CELSR2: variants seen among roughly 807,000 people sequenced by gnomAD.
CELSR2 encodes EGF-like protein 2.
Under a neutral mutation model 251.6 loss-of-function variants are expected in CELSR2, and 81 were observed. That is an observed-to-expected ratio of 0.32 (90% CI 0.27 to 0.39). The LOEUF (loss-of-function observed/expected upper bound fraction) is 0.39. CELSR2 is among the 10% of genes least tolerant of loss of function. The probability of loss-of-function intolerance (pLI) is 1.00; values close to 1 mark genes in which losing one functional copy is unlikely to be tolerated. For missense variants in CELSR2, 3,365 were observed against 3,947.7 expected (o/e 0.85, Z 3.96); for synonymous variants, 1,721 against 1,670.5 (o/e 1.03, Z -0.74).
Position 109,264,204 on chromosome 1 carries a change from G to A in CELSR2, c.5128G>A (p.Gly1710Arg), listed in dbSNP as rs1036344220. Reference sequence around the variant, plus strand: ...TGCACAGCTGGCACTGGGAGCCAGCGGGGGGCCCGGCCATGCCATTCTGTC... The same window carrying A: ...TGCACAGCTGGCACTGGGAGCCAGCAGGGGGCCCGGCCATGCCATTCTGTC... ...HHAQLALGASGGPGHAILSFD... is the reference protein window; with the variant it reads ...HHAQLALGASRGPGHAILSFD... Residue 1710 changes from glycine (G) to arginine (R), a missense_variant, in exon 10 of 34, where the codon GGG becomes AGG. Gly to Arg is a moderately radical substitution (Grantham distance 125). Transcript: ENST00000271332. The A allele has an allele frequency of 8.1e-6, 13 of 1,613,044 alleles. No homozygotes were observed. The highest frequency in any genetic ancestry group is 2.2e-5 in the East Asian group (1 of 44,878).
rs375830885 is a variant in CELSR2 at position 109,266,155 on chromosome 1, C to T, written c.5962C>T (p.Arg1988Cys). 55 of 1,614,016 alleles carry T rather than the reference C, an allele frequency of 3.4e-5. No individual in the cohort carries two copies. In the East Asian group the frequency reaches 3.8e-4, roughly 11 times the overall value. Reference sequence around the variant, plus strand: ...GATTGAGGCTGGGATCTGGTGGCCCCGTACCCGCTTCGGGCTGCCTGCTGC... The same window carrying T: ...GATTGAGGCTGGGATCTGGTGGCCCTGTACCCGCTTCGGGCTGCCTGCTGC... ...RAIEAGIWWP[R>C]TRFGLPAAAP... Residue 1988 changes from arginine (R) to cysteine (C), a missense_variant, in exon 15 of 34, where the codon CGT becomes TGT. By Grantham distance (180) the Arg-to-Cys change is radical. Coordinates refer to ENST00000271332, the MANE Select transcript of CELSR2 (RefSeq NM_001408.3).
Position 109,250,061 on chromosome 1 carries a change from C to G in CELSR2, c.-19C>G. The G allele has an allele frequency of 7.5e-7, 1 of 1,332,330 alleles. No individual in the cohort carries two copies. Among genetic ancestry groups the G allele is most frequent in the Non-Finnish European group, 9.5e-7 (1 of 1,049,690 alleles). 82.5% of individuals were successfully genotyped at this position (1,332,330 alleles called of 1,614,324 possible). A position where few individuals can be genotyped will look rare whatever the true frequency, so the allele number is the denominator to read the frequency against. ...CCGCCGCCGCCGTTGACCCGGCCGC[C>G]GGCCGGGAGCTGGGAGAGATGCGGA... On this transcript the variant is annotated 5_prime_UTR_variant, in exon 1 of 34. Coordinates refer to ENST00000271332, the MANE Select transcript of CELSR2 (RefSeq NM_001408.3). This position sits in a 1 kb window ranked among gnomAD's most constrained non-coding sequence, Gnocchi z 4.4.
chr1:109,255,498 C>G (rs1655820829), intron 1 of CELSR2, among the ~76,000 whole-genome samples: 1 of 152,222 alleles, frequency 6.6e-6, no homozygotes, highest in Non-Finnish European at 1.5e-5. Flanking sequence ...TTCCTCTGCT[C>G]AGACACGCAG....
At position 109,249,585 on chromosome 1, in the gene CELSR2, G is replaced by C. The variant is rs1040974503; in HGVS notation, c.-495G>C. On this transcript the variant is annotated 5_prime_UTR_variant, in exon 1 of 34. Coordinates refer to ENST00000271332, the MANE Select transcript of CELSR2 (RefSeq NM_001408.3). ...GGGAGGCGAGGGAGCGCGGGGCTGGGCCCGGGGCCGCGGCGACAGGCAGCA... is the reference window on the plus strand; with the variant it reads ...GGGAGGCGAGGGAGCGCGGGGCTGGCCCCGGGGCCGCGGCGACAGGCAGCA... 6.7e-6 allele frequency among the ~76,000 whole-genome samples: 1 copy of C among 149,196 alleles called. No homozygotes were observed. The highest frequency in any genetic ancestry group is 1.5e-5 in the Non-Finnish European group (1 of 67,176).
Position 109,250,341 on chromosome 1 carries a change from G to T in CELSR2, c.262G>T (p.Asp88Tyr), listed in dbSNP as rs1215374427. 1.2e-6 allele frequency: 2 copies of T among 1,613,372 alleles called. No individual in the cohort carries two copies. Among genetic ancestry groups the T allele is most frequent in the Non-Finnish European group, 1.7e-6 (2 of 1,180,038 alleles). The part of the protein sequence containing the change: ...ELTGHLVPHH[D>Y]GLRVWCPESE... ...GACTGGCCACCTGGTACCCCACCACGATGGCCTGAGGGTTTGGTGTCCAGA... is the reference window on the plus strand; with the variant it reads ...GACTGGCCACCTGGTACCCCACCACTATGGCCTGAGGGTTTGGTGTCCAGA... The change falls in exon 1 of 34, where the codon GAT becomes TAT. Residue 88 changes from aspartate to tyrosine, a missense_variant. Transcript: ENST00000271332. The surrounding 1 kb of genome is among the most constrained non-coding windows in gnomAD (Gnocchi z 4.4).
At position 109,249,675 on chromosome 1, in the gene CELSR2, CCGGGGT is replaced by C. The variant is rs1655617261; in HGVS notation, c.-399_-394del. Among the ~76,000 whole-genome samples the C allele has an allele frequency of 6.8e-6, 1 of 146,840 alleles. No individual in the cohort carries two copies. The highest frequency in any genetic ancestry group is 2.1e-4 in the South Asian group (1 of 4,794). The stretch of plus-strand genomic sequence containing the variant: ...ACCGTCGGGGGCCGCCGGGGCCGGG[CCGGGGT>C]CGGGGCGCACGGCTACGCGGGCGCA... On this transcript the variant is annotated 5_prime_UTR_variant, in exon 1 of 34. Transcript: ENST00000271332.
At chr1:109,256,774 TG>T (rs1457815509) in intron 1 of CELSR2, among the ~76,000 whole-genome samples, 1 of 152,162 alleles carries the variant, frequency 6.6e-6, no homozygotes, top group Non-Finnish European at 1.5e-5. Flanking sequence ...CCTGAGTATC[TG>T]GGACCTCCTG....
rs1036342018 is a variant in CELSR2 at position 109,250,053 on chromosome 1, C to T, written c.-27C>T. On this transcript the variant is annotated 5_prime_UTR_variant, in exon 1 of 34. Transcript: ENST00000271332. The surrounding 1 kb of genome is among the most constrained non-coding windows in gnomAD (Gnocchi z 4.4). ...AGGAGGAGCCGCCGCCGCCGTTGACCCGGCCGCCGGCCGGGAGCTGGGAGA... is the reference window on the plus strand; with the variant it reads ...AGGAGGAGCCGCCGCCGCCGTTGACTCGGCCGCCGGCCGGGAGCTGGGAGA... The T allele has an allele frequency of 7.6e-7, 1 of 1,322,722 alleles. No individual in the cohort carries two copies. The highest frequency in any genetic ancestry group is 9.6e-7 in the Non-Finnish European group (1 of 1,044,742). The allele number at this position is 1,322,722 out of a possible 1,614,324, so 81.9% of individuals were successfully genotyped here.
chr1:109,273,579 C>A lies in CELSR2; in HGVS notation c.8653C>A (p.Arg2885=). 6.4e-7 allele frequency: 1 copy of A among 1,561,818 alleles called. No individual in the cohort carries two copies. The highest frequency in any genetic ancestry group is 2.4e-5 in the East Asian group (1 of 41,828). Residue 2885 remains arginine, a synonymous_variant, in exon 33 of 34, where the codon CGG becomes AGG. Transcript: ENST00000271332. ...RGGPPPRPPP[R]QSLQEQLNGV... Reference sequence around the variant, plus strand: ...AGGCCCCCCTCCCCGCCCACCGCCCCGGCAGAGCCTCCAGGAGCAGCTGAA... The same window carrying A: ...AGGCCCCCCTCCCCGCCCACCGCCCAGGCAGAGCCTCCAGGAGCAGCTGAA...
intron 18 of CELSR2, 47 bp downstream of exon 18, chr1:109,268,811 C>G: frequency 1.3e-6 from 2 of 1,581,784 alleles, no homozygotes; most frequent in Non-Finnish European, 1.7e-6. Context: ...AGGGAGTCCC[C>G]GACAAGAGCG....
Position 109,258,727 on chromosome 1 carries a change from T to C in CELSR2, c.3606T>C (p.Ser1202=). Residue 1202 remains serine (S), a synonymous_variant, in exon 2 of 34, where the codon TCT becomes TCC. Transcript: ENST00000271332. ...GGGGCGGGCCGCCCTTCCTGCCCTCTGAGGACCTGCAGGAGCGCCTATACC... is the reference window on the plus strand; with the variant it reads ...GGGGCGGGCCGCCCTTCCTGCCCTCCGAGGACCTGCAGGAGCGCCTATACC... ...GPGGGPPFLP[S]EDLQERLYLN... 6.4e-7 allele frequency: 1 copy of C among 1,560,240 alleles called. No homozygotes were observed. The highest frequency in any genetic ancestry group is 1.2e-5 in the South Asian group (1 of 85,150).
Position 109,267,637 on chromosome 1 carries a change from G to T in CELSR2, c.6103G>T (p.Gly2035Cys). ...CTSITFSELK[G>C]FAERLQRNES... ...GTCCATCACCTTCTCAGAACTGAAG[G>T]GCTTCGTAAGTGAACCCCCTCATCT... The change falls in exon 16 of 34, where the codon GGC (glycine) becomes TGC (cysteine). Residue 2035 changes from glycine (G) to cysteine (C), a missense_variant. By Grantham distance (159) the Gly-to-Cys change is radical. Transcript: ENST00000271332. 1 of 1,614,092 alleles carries T rather than the reference G, an allele frequency of 6.2e-7. No homozygotes were observed. The highest frequency in any genetic ancestry group is 8.5e-7 in the Non-Finnish European group (1 of 1,180,008).
At position 109,250,066 on chromosome 1, in the gene CELSR2, G is replaced by A; in HGVS notation, c.-14G>A. The A allele has an allele frequency of 4.5e-6, 6 of 1,343,172 alleles. No homozygotes were observed. The highest frequency in any genetic ancestry group is 1.5e-5 in the African/African-American group (1 of 65,522). 83.2% of individuals were successfully genotyped at this position (1,343,172 alleles called of 1,614,324 possible). A position where few individuals can be genotyped will look rare whatever the true frequency, so the allele number is the denominator to read the frequency against. ...GCCGCCGTTGACCCGGCCGCCGGCC[G>A]GGAGCTGGGAGAGATGCGGAGCCCG... On this transcript the variant is annotated 5_prime_UTR_variant, in exon 1 of 34. Transcript: ENST00000271332. The surrounding 1 kb of genome is among the most constrained non-coding windows in gnomAD (Gnocchi z 4.4).
Position 109,250,163 on chromosome 1 carries a change from A to T in CELSR2, c.84A>T (p.Pro28=), listed in dbSNP as rs749664509. 6.2e-7 allele frequency: 1 copy of T among 1,600,936 alleles called. No homozygotes were observed. The highest frequency in any genetic ancestry group is 2.3e-5 in the East Asian group (1 of 44,232). ...TGTTGCTGCTGCTGCTGCCGCCGCCACTATTGGGAGACCAAGTGGGGCCCT... is the reference window on the plus strand; with the variant it reads ...TGTTGCTGCTGCTGCTGCCGCCGCCTCTATTGGGAGACCAAGTGGGGCCCT... The part of the protein sequence containing the change: ...LLLLLLLLPP[P]LLGDQVGPCR... Residue 28 remains proline (P), a synonymous_variant, in exon 1 of 34, where the codon CCA becomes CCT. Transcript: ENST00000271332. This position sits in a 1 kb window ranked among gnomAD's most constrained non-coding sequence, Gnocchi z 4.4.
chr1:109,251,333 A>G lies in CELSR2; in HGVS notation c.1254A>G (p.Val418=). 6.2e-7 allele frequency: 1 copy of G among 1,614,012 alleles called. No homozygotes were observed. Among genetic ancestry groups the G allele is most frequent in the Non-Finnish European group, 8.5e-7 (1 of 1,180,004 alleles). ...AGGATGTGACTCCAGGGGCCCCAGT[A>G]CTCCGAGTCACAGCCTCGGATCGAG... The part of the protein sequence containing the change: ...VREDVTPGAP[V]LRVTASDRDK... The change falls in exon 1 of 34, where the codon GTA becomes GTG. Residue 418 remains valine (V), a synonymous_variant. Transcript: ENST00000271332. This position sits in a 1 kb window ranked among gnomAD's most constrained non-coding sequence, Gnocchi z 4.9.
chr1:109,262,772 C>T, intron 6 of CELSR2, 34 bp from the exon 7 acceptor site: 1 of 1,601,260 alleles, frequency 6.2e-7, no homozygotes, highest in Non-Finnish European at 8.5e-7. Flanking sequence ...GCTCCCAGCC[C>T]TCCCTTGTGC....
Position 109,258,911 on chromosome 1 carries a change from C to G in CELSR2, c.3790C>G (p.Arg1264Gly). The change falls in exon 2 of 34, where the codon CGG (arginine) becomes GGG (glycine). Residue 1264 changes from arginine to glycine, a missense_variant. Transcript: ENST00000271332. ...PFIASSSVLF[R>G]PIHPVGGLRC... ...CATCGCCTCCTCCTCCGTGCTCTTC[C>G]GGCCCATCCACCCCGTCGGAGGGCT... The G allele has an allele frequency of 1.2e-6, 2 of 1,612,338 alleles. No individual in the cohort carries two copies. Among genetic ancestry groups the G allele is most frequent in the Non-Finnish European group, 1.7e-6 (2 of 1,179,464 alleles).
Position 109,272,326 on chromosome 1 carries a change from T to A in CELSR2, c.7975T>A (p.Tyr2659Asn), listed in dbSNP as rs1438620407. The change falls in exon 29 of 34, where the codon TAC (tyrosine) becomes AAC (asparagine). Residue 2659 changes from tyrosine (Y) to asparagine (N), a missense_variant. By Grantham distance (143) the Tyr-to-Asn change is moderately radical (BLOSUM62 -2). Coordinates refer to ENST00000271332, the MANE Select transcript of CELSR2 (RefSeq NM_001408.3). ...PYADGRLYQP[Y>N]GDSAGSLHST... ...CGCAGATGGGCGGCTGTACCAGCCC[T>A]ACGGAGACTCGGCCGGCTCTCTGCA... The A allele has an allele frequency of 6.2e-7, 1 of 1,612,370 alleles. No homozygotes were observed. Among genetic ancestry groups the A allele is most frequent in the Non-Finnish European group, 8.5e-7 (1 of 1,178,814 alleles).
Position 109,258,852 on chromosome 1 carries a change from T to G in CELSR2, c.3731T>G (p.Val1244Gly), listed in dbSNP as rs1473827628. 6.2e-7 allele frequency: 1 copy of G among 1,612,502 alleles called. No individual in the cohort carries two copies. Among genetic ancestry groups the G allele is most frequent in the Admixed American group, 1.7e-5 (1 of 59,868 alleles). ...CCCTGCGAGAACTACATGCGCTGCG[T>G]GTCGGTGCTGCGCTTCGACTCCTCC... ...REPCENYMRC[V>G]SVLRFDSSAP... is the part of the protein sequence containing the mutation. The change falls in exon 2 of 34, where the codon GTG becomes GGG. Residue 1244 changes from valine (V) to glycine (G), a missense_variant. Physicochemically the swap from Val to Gly is moderately radical, Grantham distance 109. Coordinates refer to ENST00000271332, the MANE Select transcript of CELSR2 (RefSeq NM_001408.3).
Sources: gnomAD v4.1 joint callset for allele counts (sites outside exome capture counted in the v4.1 genomes callset) on GRCh38, gnomAD v4.1.1 for gene constraint, Gnocchi (gnomAD v3.1) non-coding constraint, MANE v1.5 for transcripts, NCBI Gene and HGNC (gene_info 2026-07-23, HGNC 2026-07-21) for gene names.